The following RAB3GAP2 variants were observed in gnomAD, a reference collection of about 807,000 sequenced individuals.
RAB3GAP2 encodes the protein rab3 GTPase-activating protein non-catalytic subunit.
In RAB3GAP2, 87 loss-of-function variants were observed where a neutral mutation model predicts 185.3. That is an observed-to-expected ratio of 0.47 (90% CI 0.39 to 0.56). The LOEUF (loss-of-function observed/expected upper bound fraction) is 0.56. RAB3GAP2 is among the 20% of genes least tolerant of loss of function. The pLI, the probability that RAB3GAP2 is intolerant of heterozygous loss-of-function variation, is 0.00. For synonymous variants in RAB3GAP2, 554 were observed against 576.1 expected, an observed-to-expected ratio of 0.96 and a Z score of 0.55; for missense variants, 1,492 against 1,638.2, an observed-to-expected ratio of 0.91 and a Z score of 1.54.
At chr1:220,202,488 C>T in intron 8 of RAB3GAP2, 114 bp from the exon 9 acceptor site, 2 of 1,085,236 alleles carry the variant, frequency 1.8e-6, no homozygotes, top group South Asian at 1.3e-5. Flanking sequence ...AATAATGACA[C>T]AAAGTAATGA....
intron 1 of RAB3GAP2, among the ~76,000 whole-genome samples, chr1:220,233,241 A>AT (rs1293174894): frequency 6.6e-6 from 1 of 151,294 alleles, no homozygotes; most frequent in Non-Finnish European, 1.5e-5. Context: ...ATACACGGTG[A>AT]TAAAAAAAAC....
chr1:220,185,752 G>T lies in RAB3GAP2; in HGVS notation c.1780-11C>A. The T allele has an allele frequency of 1.3e-6, 2 of 1,595,900 alleles. No individual in the cohort carries two copies. The highest frequency in any genetic ancestry group is 1.7e-6 in the Non-Finnish European group (2 of 1,164,060). ...AATGCTTTCCAAAGCCTAGGAGAAA[G>T]ATATTGAACAGTTCTAGTAATTATA... On this transcript the variant is annotated splice_polypyrimidine_tract_variant and intron_variant, in intron 17 of 34. Coordinates refer to ENST00000358951, the MANE Select transcript of RAB3GAP2 (RefSeq NM_012414.4).
At chr1:220,249,309 A>G (rs1659886748) in intron 1 of RAB3GAP2, among the ~76,000 whole-genome samples, 1 of 152,208 alleles carries the variant, frequency 6.6e-6, no homozygotes, top group Non-Finnish European at 1.5e-5. Context: ...ATGAAGTCCA[A>G]GCTGAGGTGT....
chr1:220,249,091 C>T (rs943152442), intron 1 of RAB3GAP2, among the ~76,000 whole-genome samples: 3 of 152,040 alleles, frequency 2.0e-5, no homozygotes, highest in African/African-American at 4.8e-5. Context: ...CATAAGGATA[C>T]CTGAAAATGT....
chr1:220,192,917 T>G (rs544480552), intron 13 of RAB3GAP2, among the ~76,000 whole-genome samples: 1 of 152,294 alleles, frequency 6.6e-6, no homozygotes, highest in South Asian at 2.1e-4. Flanking sequence ...GGGGAGAACA[T>G]TTGGCTCAAG....
intron 22 of RAB3GAP2, 63 bp downstream of exon 22, chr1:220,172,574 C>T: frequency 1.8e-6 from 2 of 1,104,788 alleles, no homozygotes; most frequent in Non-Finnish European, 2.8e-6. Context: ...TATCCACTCT[C>T]CCATCTTTTT....
chr1:220,178,256 G>A (rs1334244918), intron 21 of RAB3GAP2, among the ~76,000 whole-genome samples: 1 of 151,990 alleles, frequency 6.6e-6, no homozygotes, highest in African/African-American at 2.4e-5. Flanking sequence ...GAAAGCTGAG[G>A]GAATTTACTG....
intron 21 of RAB3GAP2, 97 bp from the exon 22 acceptor site, chr1:220,172,839 T>G: frequency 1.3e-6 from 1 of 773,358 alleles, no homozygotes; most frequent in Non-Finnish European, 2.3e-6. Flanking sequence ...ATATGGATGA[T>G]GCAGCTTCTT....
At chr1:220,194,382 G>T (rs1658683908) in intron 12 of RAB3GAP2, among the ~76,000 whole-genome samples, 1 of 151,834 alleles carries the variant, frequency 6.6e-6, no homozygotes, top group South Asian at 2.1e-4. Context: ...CTGAATACAG[G>T]ACTCCTGCTT....
intron 28 of RAB3GAP2, 136 bp downstream of exon 28, chr1:220,162,062 A>C: frequency 1.4e-6 from 1 of 715,982 alleles, no homozygotes; most frequent in Non-Finnish European, 2.4e-6. Context: ...TGGGCATTAC[A>C]TTTAACTGAG....
At chr1:220,211,914 A>G (rs1314870505) in intron 4 of RAB3GAP2, among the ~76,000 whole-genome samples, 1 of 152,250 alleles carries the variant, frequency 6.6e-6, no homozygotes, top group African/African-American at 2.4e-5. Flanking sequence ...ATGATAGAGA[A>G]TATTTCAAAT....
At position 220,158,883 on chromosome 1, in the gene RAB3GAP2, T is replaced by C. The variant is rs998997227; in HGVS notation, c.3261+503A>G. ...TCATACAACCATTCTCAAGAACACATCAGAAAAAGTCTTCAACAATGGAAG... is the reference window on the plus strand; with the variant it reads ...TCATACAACCATTCTCAAGAACACACCAGAAAAAGTCTTCAACAATGGAAG... On this transcript the variant is annotated intron_variant, in intron 29 of 34. Coordinates refer to ENST00000358951, the MANE Select transcript of RAB3GAP2 (RefSeq NM_012414.4). The surrounding 1 kb of genome is among the most constrained non-coding windows in gnomAD (Gnocchi z 4.3). 3.3e-5 allele frequency among the ~76,000 whole-genome samples: 5 copies of C among 152,052 alleles called. No individual in the cohort carries two copies. The highest frequency in any genetic ancestry group is 1.2e-4 in the African/African-American group (5 of 41,392).
chr1:220,228,652 C>T (rs1659446175), intron 2 of RAB3GAP2, among the ~76,000 whole-genome samples: 1 of 152,202 alleles, frequency 6.6e-6, no homozygotes, highest in African/African-American at 2.4e-5. Context: ...ATTGTACCTG[C>T]CTACCTTTAC....
chr1:220,267,990 A>G, intron 1 of RAB3GAP2: 1 of 560,098 alleles, frequency 1.8e-6, no homozygotes, highest in Admixed American at 3.1e-5. Flanking sequence ...CAACTGATAC[A>G]CCTCTATAAT....
chr1:220,153,886 T>C, intron 32 of RAB3GAP2, 82 bp downstream of exon 32: 1 of 1,586,524 alleles, frequency 6.3e-7, no homozygotes. Flanking sequence ...AAAGTAGTCA[T>C]TCTTTTCAAA....
intron 9 of RAB3GAP2, among the ~76,000 whole-genome samples, chr1:220,197,778 T>A (rs12066803): frequency 0.052 from 7,984 of 152,176 alleles, 698 homozygotes; most frequent in African/African-American, 0.18. Flanking sequence ...GATATGCAAT[T>A]TTTTTAAAGG....
rs139536715 is a variant in RAB3GAP2 at position 220,231,062 on chromosome 1, T to C, written c.180+1737A>G. Among the ~76,000 whole-genome samples, 757 of 152,334 alleles carry C rather than the reference T, an allele frequency of 5.0e-3. 3 individuals carry two copies. The highest frequency in any genetic ancestry group is 0.017 in the African/African-American group (714 of 41,568). On this transcript the variant is annotated intron_variant, in intron 2 of 34. Transcript: ENST00000358951. ...TTGCTCCCTACTTCAACCTATTCCA[T>C]AGAGCAGCCAAGGTGAGCTGTCAAA...
intron 9 of RAB3GAP2, among the ~76,000 whole-genome samples, chr1:220,199,686 TTCC>T (rs1185739191): frequency 6.6e-6 from 1 of 152,170 alleles, no homozygotes; most frequent in African/African-American, 2.4e-5. Flanking sequence ...CTTAAATCTC[TTCC>T]TCTCCTCCTC....
At chr1:220,190,295 C>G in intron 15 of RAB3GAP2, 82 bp downstream of exon 15, 1 of 1,587,262 alleles carries the variant, frequency 6.3e-7, no homozygotes, top group Non-Finnish European at 8.6e-7. Flanking sequence ...AAAATAGCAA[C>G]TACAAAAGAG....
Sources: gnomAD v4.1 joint callset for allele counts (sites outside exome capture counted in the v4.1 genomes callset) on GRCh38, gnomAD v4.1.1 for gene constraint, Gnocchi (gnomAD v3.1) non-coding constraint, MANE v1.5 for transcripts, NCBI Gene and HGNC (gene_info 2026-07-23, HGNC 2026-07-21) for gene names.